Variants in AVIL observed in about 807,000 individuals in gnomAD.
AVIL encodes advillin.
In AVIL, 78 loss-of-function variants were observed where a neutral mutation model predicts 109.9. The ratio of observed to expected loss-of-function variants is 0.71; its 90% CI spans 0.59 to 0.86. The LOEUF (loss-of-function observed/expected upper bound fraction) is 0.86. Ranked by LOEUF, AVIL falls within the 40% of genes least tolerant of loss-of-function variation. The probability of loss-of-function intolerance (pLI) is 0.00; values close to 1 mark genes in which losing one functional copy is unlikely to be tolerated. For synonymous variants in AVIL, 367 were observed against 379.1 expected, an observed-to-expected ratio of 0.97 and a Z score of 0.37; for missense variants, 892 against 1,016.5, an observed-to-expected ratio of 0.88 and a Z score of 1.67.
chr12:57,799,965 G>A, intron 18 of AVIL, 45 bp from the exon 19 acceptor site: 1 of 1,609,268 alleles, frequency 6.2e-7, no homozygotes, highest in Admixed American at 1.7e-5. Context: ...ACTCCTCAGT[G>A]TCTGTGTGGT....
At chr12:57,808,586 G>A (rs1955990094) in intron 9 of AVIL, 38 bp from the exon 10 acceptor site, 2 of 1,607,744 alleles carry the variant, frequency 1.2e-6, no homozygotes, top group Non-Finnish European at 1.7e-6. Context: ...GGTCAGTGGT[G>A]GAATACACTG....
At position 57,807,320 on chromosome 12, in the gene AVIL, A is replaced by G. The variant is rs756638135; in HGVS notation, c.1491+11T>C. 4 of 1,614,070 alleles carry G rather than the reference A, an allele frequency of 2.5e-6. No homozygotes were observed. The Admixed American group carries it at 6.7e-5, about 27-fold the overall frequency. The stretch of plus-strand genomic sequence containing the variant: ...CCAGCTCATGGTGTAATTTTATCAG[A>G]GCATCCTCACCTCAAAGATAACTAG... On this transcript the variant is annotated intron_variant, in intron 13 of 19. Transcript: ENST00000549994.
chr12:57,802,337 C>T lies in AVIL; in HGVS notation c.1974G>A (p.Trp658Ter). 6.2e-7 allele frequency: 1 copy of T among 1,611,704 alleles called. No individual in the cohort carries two copies. Among genetic ancestry groups the T allele is most frequent in the African/African-American group, 1.3e-5 (1 of 75,034 alleles). ...CCGTGGCATTGGCCTCAGCCCCAAT[C>T]CACAAGAACACCTGTTAAGGTGGAG... Reference protein sequence around the residue: ...LLDTWDQVFLWIGAEANATEK... With the variant: ...LLDTWDQVFL Residue 658 changes from tryptophan to a stop codon, truncating the protein, a stop_gained, in exon 17 of 20, where the codon TGG becomes TGA. Coordinates refer to ENST00000549994, the MANE Select transcript of AVIL (RefSeq NM_006576.4). LOFTEE classifies it high-confidence loss of function.
At chr12:57,817,588 G>C (rs529618394) in intron 1 of AVIL, among the ~76,000 whole-genome samples, 16 of 152,142 alleles carry the variant, frequency 1.1e-4, no homozygotes, top group African/African-American at 3.9e-4. Context: ...CAAAAGCCAT[G>C]AGCCAACTAG....
chr12:57,808,087 G>T, intron 11 of AVIL, 107 bp downstream of exon 11: 1 of 1,312,194 alleles, frequency 7.6e-7, no homozygotes, highest in Non-Finnish European at 1.1e-6. Flanking sequence ...GTGCCGGAGG[G>T]GAAAGGGAAA....
In AVIL at chr12:57,797,735, A is replaced by G. The variant is rs535671956; in HGVS notation, c.*147T>C. 3 of 729,874 alleles carry G rather than the reference A, an allele frequency of 4.1e-6. No individual in the cohort carries two copies. Among genetic ancestry groups the G allele is most frequent in the African/African-American group, 3.7e-5 (2 of 54,474 alleles). 45.2% of individuals were successfully genotyped at this position (729,874 alleles called of 1,614,324 possible). A position where few individuals can be genotyped will look rare whatever the true frequency, so the allele number is the denominator to read the frequency against. On this transcript the variant is annotated 3_prime_UTR_variant, in exon 20 of 20. Transcript: ENST00000549994. The stretch of plus-strand genomic sequence containing the variant: ...GCAAGGAATGCAAGGATGAGAAAAA[A>G]TGGAGAACATGCCGTGATTTGCAGA...
At position 57,806,395 on chromosome 12, in the gene AVIL, G is replaced by A. The variant is rs761954969; in HGVS notation, c.1636C>T (p.Arg546Ter). The part of the protein sequence containing the change: ...SLNSNDVFLL[R>*]TQAEHYLWYG... Reference sequence around the variant, plus strand: ...CACAGGTAGTGCTCTGCCTGAGTTCGCAGCAGAAAGACATCATTGGAGTTT... The same window carrying A: ...CACAGGTAGTGCTCTGCCTGAGTTCACAGCAGAAAGACATCATTGGAGTTT... Residue 546 changes from arginine to a stop codon, truncating the protein, a stop_gained, in exon 14 of 20, where the codon CGA becomes TGA. Transcript: ENST00000549994. LOFTEE classifies it high-confidence loss of function. 13 of 1,613,928 alleles carry A rather than the reference G, an allele frequency of 8.1e-6. No homozygotes were observed. The Admixed American group carries it at 8.3e-5, about 10-fold the overall frequency.
At chr12:57,815,467 G>T in intron 2 of AVIL, 1 of 798,912 alleles carries the variant, frequency 1.3e-6, no homozygotes, top group Non-Finnish European at 1.7e-6. Context: ...GAGCTACCCA[G>T]GCCAGGGTGG....
Position 57,802,346 on chromosome 12 carries a change from C to G in AVIL, c.1965G>C (p.Val655=), listed in dbSNP as rs151180457. Residue 655 remains valine, a splice_region_variant and synonymous_variant, in exon 17 of 20, where the codon GTG becomes GTC. Transcript: ENST00000549994. The part of the protein sequence containing the change: ...DVMLLDTWDQ[V]FLWIGAEANA... ...TGGCCTCAGCCCCAATCCACAAGAA[C>G]ACCTGTTAAGGTGGAGATTTAATAT... 2 of 1,609,454 alleles carry G rather than the reference C, an allele frequency of 1.2e-6. No homozygotes were observed. The highest frequency in any genetic ancestry group is 1.7e-6 in the Non-Finnish European group (2 of 1,177,594).
At position 57,808,483 on chromosome 12, in the gene AVIL, C is replaced by A. The variant is rs1595169134; in HGVS notation, c.1005G>T (p.Glu335Asp). The A allele has an allele frequency of 6.2e-7, 1 of 1,614,194 alleles. No homozygotes were observed. The highest frequency in any genetic ancestry group is 8.5e-7 in the Non-Finnish European group (1 of 1,180,034). ...TNVETVNDGAESAMFKQLFQK... is the reference protein window; with the variant it reads ...TNVETVNDGADSAMFKQLFQK... ...GGAACAGCTGCTTGAACATGGCCGA[C>A]TCAGCACCATCGTTGACGGTCTCCA... Residue 335 changes from glutamate (E) to aspartate (D), a missense_variant, in exon 10 of 20, where the codon GAG (glutamate) becomes GAT (aspartate). Coordinates refer to ENST00000549994, the MANE Select transcript of AVIL (RefSeq NM_006576.4).
intron 1 of AVIL, among the ~76,000 whole-genome samples, chr12:57,817,747 A>T (rs1222983299): frequency 4.6e-5 from 7 of 152,150 alleles, no homozygotes. Context: ...GGAATCAAGG[A>T]GCTCCCTGGG....
intron 1 of AVIL, among the ~76,000 whole-genome samples, chr12:57,818,053 C>T (rs1956118208): frequency 6.6e-6 from 1 of 152,008 alleles, no homozygotes; most frequent in African/African-American, 2.4e-5. Flanking sequence ...GGGTCTTGCT[C>T]TGTCACCCAG....
intron 2 of AVIL, 83 bp from the exon 3 acceptor site, chr12:57,814,309 G>C: frequency 7.4e-7 from 1 of 1,357,232 alleles, no homozygotes; most frequent in Non-Finnish European, 1.0e-6. Context: ...CTGTCATTCG[G>C]TGCAGGTGGT....
intron 2 of AVIL, 195 bp from the exon 3 acceptor site, chr12:57,814,421 G>A: frequency 1.7e-6 from 1 of 582,922 alleles, no homozygotes; most frequent in Admixed American, 2.9e-5. Context: ...AGCTCTGCTT[G>A]CATCACCCCG....
chr12:57,807,266 C>T, intron 13 of AVIL, 65 bp downstream of exon 13: 2 of 1,607,364 alleles, frequency 1.2e-6, no homozygotes, highest in East Asian at 2.2e-5. Context: ...CTCCAATAGT[C>T]CTGTGCTGGT....
chr12:57,807,651 TA>T lies in AVIL; in HGVS notation c.1270del (p.Tyr424IlefsTer9). 6.2e-7 allele frequency: 1 copy of T among 1,614,166 alleles called. No homozygotes were observed. The highest frequency in any genetic ancestry group is 8.5e-7 in the Non-Finnish European group (1 of 1,180,020). On this transcript the variant is annotated frameshift_variant, in exon 12 of 20. Coordinates refer to ENST00000549994, the MANE Select transcript of AVIL (RefSeq NM_006576.4). LOFTEE classifies it high-confidence loss of function. ...WYGFFYGGDC[Y>X]LVLYTYEVNG... ...TACCTCGTATGTGTAGAGGACCAGA[TA>T]ACAGTCTCCCCCATAAAAGAAGCCA...
chr12:57,802,311 T>TC lies in AVIL; in HGVS notation c.1999dup (p.Glu667GlyfsTer30). On this transcript the variant is annotated frameshift_variant, in exon 17 of 20. Transcript: ENST00000549994. LOFTEE classifies it high-confidence loss of function. ...TGCTGTGGCAAGGGCACTCTCCTTC[T>TC]CCGTGGCATTGGCCTCAGCCCCAAT... is the stretch of plus-strand genomic sequence containing the variant. The TC allele has an allele frequency of 1.9e-6, 3 of 1,613,834 alleles. No homozygotes were observed. The highest frequency in any genetic ancestry group is 2.5e-6 in the Non-Finnish European group (3 of 1,179,872).
Position 57,797,435 on chromosome 12 carries a change from C to T in AVIL, c.*447G>A. Reference sequence around the variant, plus strand: ...AAAAATGCTTTGACACATTACAGATCTGGGTATTTGGATTTTGCCTATGGA... The same window carrying T: ...AAAAATGCTTTGACACATTACAGATTTGGGTATTTGGATTTTGCCTATGGA... On this transcript the variant is annotated 3_prime_UTR_variant, in exon 20 of 20. Coordinates refer to ENST00000549994, the MANE Select transcript of AVIL (RefSeq NM_006576.4). The T allele has an allele frequency of 1.0e-6, 1 of 985,354 alleles. No individual in the cohort carries two copies. Among genetic ancestry groups the T allele is most frequent in the Non-Finnish European group, 1.2e-6 (1 of 829,942 alleles). The allele number at this position is 985,354 out of a possible 1,614,324, so 61.0% of individuals were successfully genotyped here.
At position 57,807,325 on chromosome 12, in the gene AVIL, C is replaced by T; in HGVS notation, c.1491+6G>A. On this transcript the variant is annotated splice_donor_region_variant and intron_variant, in intron 13 of 19. Coordinates refer to ENST00000549994, the MANE Select transcript of AVIL (RefSeq NM_006576.4). ...TCATGGTGTAATTTTATCAGAGCAT[C>T]CTCACCTCAAAGATAACTAGCTTCC... 1 of 1,614,138 alleles carries T rather than the reference C, an allele frequency of 6.2e-7. No individual in the cohort carries two copies. The highest frequency in any genetic ancestry group is 1.6e-4 in the Middle Eastern group (1 of 6,062).
Sources: allele counts gnomAD v4.1 joint callset (sites outside exome capture counted in the v4.1 genomes callset), GRCh38; gene constraint gnomAD v4.1.1; transcripts MANE v1.5; gene names NCBI Gene and HGNC (gene_info 2026-07-23, HGNC 2026-07-21).